The following ST6GALNAC3 variants were observed in gnomAD, a reference collection of about 807,000 sequenced individuals.
ST6GALNAC3 encodes alpha-N-acetylgalactosaminide alpha-2,6-sialyltransferase 3.
In ST6GALNAC3, 25 loss-of-function variants were observed where a neutral mutation model predicts 32.7. The ratio of observed to expected loss-of-function variants is 0.76; its 90% CI spans 0.56 to 1.07. The LOEUF (loss-of-function observed/expected upper bound fraction) is 1.07, where lower values mean the gene tolerates loss of function less well. Among genes scored for constraint, ST6GALNAC3 ranks in the 50% least tolerant of loss-of-function variants. The pLI is 0.00. For missense variants in ST6GALNAC3, 355 were observed against 382.4 expected (o/e 0.93, Z 0.60); for synonymous variants, 129 against 133.1 (o/e 0.97, Z 0.21).
At chr1:76,595,689 G>GCA (rs55816071) in intron 3 of ST6GALNAC3, among the ~76,000 whole-genome samples, 56 of 151,024 alleles carry the variant, frequency 3.7e-4, no homozygotes, top group East Asian at 1.6e-3. Context: ...TCATACACAC[G>GCA]CACACACACA....
chr1:76,314,942 C>T (rs1646837173), intron 2 of ST6GALNAC3, among the ~76,000 whole-genome samples: 1 of 152,182 alleles, frequency 6.6e-6, no homozygotes, highest in African/African-American at 2.4e-5. Flanking sequence ...TTATTCTTAG[C>T]ATTCTGGGAG....
intron 2 of ST6GALNAC3, among the ~76,000 whole-genome samples, chr1:76,319,756 T>C (rs932393982): frequency 6.6e-6 from 1 of 152,208 alleles, no homozygotes; most frequent in African/African-American, 2.4e-5. Context: ...TTAAATGTTA[T>C]AGAAAAGGAA....
intron 1 of ST6GALNAC3, among the ~76,000 whole-genome samples, chr1:76,277,347 T>C (rs1350065854): frequency 6.6e-6 from 1 of 151,748 alleles, no homozygotes; most frequent in South Asian, 2.1e-4. Flanking sequence ...GACAGACCAA[T>C]GAGACACAAT....
intron 1 of ST6GALNAC3, among the ~76,000 whole-genome samples, chr1:76,138,513 A>G (rs923307568): frequency 1.3e-5 from 2 of 152,194 alleles, no homozygotes; most frequent in African/African-American, 4.8e-5. Context: ...AACCTGACCC[A>G]TGGACCCTTG....
At chr1:76,159,976 C>T (rs1217128521) in intron 1 of ST6GALNAC3, among the ~76,000 whole-genome samples, 1 of 152,088 alleles carries the variant, frequency 6.6e-6, no homozygotes. Context: ...CCAGAGCCTG[C>T]CCTGTTAATG....
At chr1:76,320,310 G>T (rs545176889) in intron 2 of ST6GALNAC3, among the ~76,000 whole-genome samples, 2 of 152,174 alleles carry the variant, frequency 1.3e-5, no homozygotes, top group Non-Finnish European at 2.9e-5. Context: ...GCTGGTAATC[G>T]TCATTGCCTC....
chr1:76,080,632 C>CAAA (rs58110770), intron 1 of ST6GALNAC3, among the ~76,000 whole-genome samples: 77 of 115,342 alleles, frequency 6.7e-4, no homozygotes, highest in African/African-American at 2.2e-3. Context: ...ACAGATAAAC[C>CAAA]AAAAAAAAAA....
chr1:76,279,647 T>C (rs1659381688), intron 1 of ST6GALNAC3, among the ~76,000 whole-genome samples: 1 of 152,168 alleles, frequency 6.6e-6, no homozygotes, highest in South Asian at 2.1e-4. Context: ...TGGAGTCGTG[T>C]CTGCCGGCAG....
chr1:76,246,771 G>C (rs1168062827), intron 1 of ST6GALNAC3, among the ~76,000 whole-genome samples: 1 of 152,170 alleles, frequency 6.6e-6, no homozygotes, highest in East Asian at 1.9e-4. Flanking sequence ...GCTCAGAGGA[G>C]TTTGTTATTA....
intron 3 of ST6GALNAC3, among the ~76,000 whole-genome samples, chr1:76,497,225 G>C (rs1660906922): frequency 6.6e-6 from 1 of 152,080 alleles, no homozygotes; most frequent in South Asian, 2.1e-4. Flanking sequence ...CTTGAATCTT[G>C]GTCAGGAGTG....
chr1:76,143,274 G>C (rs576867585), intron 1 of ST6GALNAC3, among the ~76,000 whole-genome samples: 11 of 152,252 alleles, frequency 7.2e-5, no homozygotes, highest in African/African-American at 2.4e-4. Flanking sequence ...AGTGCCTATA[G>C]AGCATGCCAT....
At chr1:76,482,847 T>A (rs1193127974) in intron 3 of ST6GALNAC3, among the ~76,000 whole-genome samples, 3 of 151,344 alleles carry the variant, frequency 2.0e-5, no homozygotes, top group South Asian at 2.1e-4. Context: ...TTTACATTAG[T>A]TATATCTCCT....
chr1:76,614,715 T>C (rs1648168762), intron 3 of ST6GALNAC3, among the ~76,000 whole-genome samples: 1 of 73,816 alleles, frequency 1.4e-5, no homozygotes, highest in Non-Finnish European at 2.1e-5. Flanking sequence ...CGAGACTCCA[T>C]CTCAAAAAAA....
chr1:76,586,200 A>G (rs963337664), intron 3 of ST6GALNAC3, among the ~76,000 whole-genome samples: 2 of 152,216 alleles, frequency 1.3e-5, no homozygotes, highest in Non-Finnish European at 2.9e-5. Context: ...TGTATAAACT[A>G]TATTTAGAAG....
At chr1:76,341,636 T>C (rs1648004977) in intron 2 of ST6GALNAC3, among the ~76,000 whole-genome samples, 1 of 137,220 alleles carries the variant, frequency 7.3e-6, no homozygotes, top group Non-Finnish European at 1.5e-5. Flanking sequence ...TTTCTTTCTT[T>C]CTTTCTTTCT....
At chr1:76,606,832 C>T (rs1647582700) in intron 3 of ST6GALNAC3, among the ~76,000 whole-genome samples, 1 of 146,154 alleles carries the variant, frequency 6.8e-6, no homozygotes, top group Non-Finnish European at 1.5e-5. Flanking sequence ...TACTTAACAA[C>T]AATTCTGGAC....
At chr1:76,106,513 T>G (rs983881216) in intron 1 of ST6GALNAC3, among the ~76,000 whole-genome samples, 4 of 152,234 alleles carry the variant, frequency 2.6e-5, no homozygotes, top group Non-Finnish European at 5.9e-5. Flanking sequence ...TGCCTTGTGC[T>G]TGGGATAATT....
chr1:76,549,631 T>A (rs1664504505), intron 3 of ST6GALNAC3, among the ~76,000 whole-genome samples: 1 of 152,190 alleles, frequency 6.6e-6, no homozygotes. Context: ...TAATAGGTAA[T>A]GCCACATACA....
chr1:76,523,506 G>C (rs1662680931), intron 3 of ST6GALNAC3, among the ~76,000 whole-genome samples: 1 of 152,178 alleles, frequency 6.6e-6, no homozygotes, highest in East Asian at 1.9e-4. Flanking sequence ...CAGGCAGATA[G>C]AGAGGCTATC....
Sources: allele counts gnomAD v4.1 joint callset (sites outside exome capture counted in the v4.1 genomes callset), GRCh38; gene constraint gnomAD v4.1.1; transcripts MANE v1.5; gene names NCBI Gene and HGNC (gene_info 2026-07-23, HGNC 2026-07-21).